Variants in ADGRL3 observed in about 807,000 individuals in gnomAD.
ADGRL3 encodes calcium-independent alpha-latrotoxin receptor 3.
ADGRL3 carries 62 observed loss-of-function variants against 153.5 expected under a neutral mutation model. The observed-to-expected ratio is 0.40, with a 90% CI of 0.33 to 0.50. The LOEUF is 0.50. ADGRL3 is among the 20% of genes least tolerant of loss of function. ADGRL3 has a pLI of 0.47. For synonymous variants in ADGRL3, 710 were observed against 672.5 expected (o/e 1.06, Z -0.86); for missense variants, 1,641 against 1,859.4 (o/e 0.88, Z 2.16).
intron 21 of ADGRL3, among the ~76,000 whole-genome samples, chr4:62,016,043 T>G (rs2099209766): frequency 6.6e-6 from 1 of 151,928 alleles, no homozygotes; most frequent in East Asian, 1.9e-4. Context: ...TTTTCTTTTC[T>G]TTTCTTTTTC....
intron 9 of ADGRL3, among the ~76,000 whole-genome samples, chr4:61,887,479 C>G (rs1186464606): frequency 6.6e-6 from 1 of 152,078 alleles, no homozygotes; most frequent in Non-Finnish European, 1.5e-5. Context: ...ATTTTTAAAA[C>G]TAGGAATATA....
intron 1 of ADGRL3, among the ~76,000 whole-genome samples, chr4:61,281,796 A>G (rs2093734001): frequency 6.6e-6 from 1 of 152,114 alleles, no homozygotes; most frequent in African/African-American, 2.4e-5. Context: ...ACAAAACCAT[A>G]ACATTGATTT....
At chr4:61,578,390 G>A (rs1290751377) in intron 4 of ADGRL3, among the ~76,000 whole-genome samples, 2 of 151,996 alleles carry the variant, frequency 1.3e-5, no homozygotes, top group Non-Finnish European at 2.9e-5. Flanking sequence ...GATTACCATT[G>A]TCATATTGCC....
chr4:61,746,635 A>C (rs2151988956), intron 8 of ADGRL3, among the ~76,000 whole-genome samples: 1 of 152,356 alleles, frequency 6.6e-6, no homozygotes, highest in South Asian at 2.1e-4. Context: ...TGAAGGCAGA[A>C]ATAAAGATGT....
At chr4:61,812,558 C>T (rs924737039) in intron 8 of ADGRL3, among the ~76,000 whole-genome samples, 1 of 152,052 alleles carries the variant, frequency 6.6e-6, no homozygotes, top group Non-Finnish European at 1.5e-5. Flanking sequence ...CTGCATATTC[C>T]CATTGTAGAA....
In ADGRL3 at chr4:61,203,586, G is replaced by A. The variant is rs188135009; in HGVS notation, c.-240+1821G>A. ...GTAAATAGGCAGTCTGCTAATTTTA[G>A]TGTCATATGGGCTTTCATCACTAGT... On this transcript the variant is annotated intron_variant, in intron 1 of 26. Transcript: ENST00000683033. 7.9e-5 allele frequency among the ~76,000 whole-genome samples: 12 copies of A among 152,338 alleles called. No individual in the cohort carries two copies. The East Asian group carries it at 2.3e-3, about 29-fold the overall frequency.
At chr4:61,220,726 T>A (rs576373669) in intron 1 of ADGRL3, among the ~76,000 whole-genome samples, 60 of 152,330 alleles carry the variant, frequency 3.9e-4, no homozygotes, top group African/African-American at 1.4e-3. Flanking sequence ...CCATTTGGAA[T>A]CATTCTGGCA....
At chr4:61,627,447 C>CA (rs2092902715) in intron 5 of ADGRL3, among the ~76,000 whole-genome samples, 1 of 151,934 alleles carries the variant, frequency 6.6e-6, no homozygotes, top group African/African-American at 2.4e-5. Flanking sequence ...ATGGTGAAAC[C>CA]CCCTCTCTAC....
intron 1 of ADGRL3, among the ~76,000 whole-genome samples, chr4:61,294,885 ACACACACACACACACACT>A (rs1175602639): frequency 2.2e-3 from 57 of 25,930 alleles, no homozygotes; most frequent in Admixed American, 1.0e-2. Flanking sequence ...ATTAAATTTT[ACACACACACACACACACT>A]CACACACACA....
chr4:61,500,056 A>AGG (rs1297742595), intron 3 of ADGRL3, among the ~76,000 whole-genome samples: 1 of 151,148 alleles, frequency 6.6e-6, no homozygotes, highest in Non-Finnish European at 1.5e-5. Context: ...AGAGAGAGAG[A>AGG]GAGAGAGAAT....
chr4:61,370,420 G>C (rs1366763862), intron 1 of ADGRL3, among the ~76,000 whole-genome samples: 2 of 151,538 alleles, frequency 1.3e-5, no homozygotes, highest in Admixed American at 6.6e-5. Context: ...AGAGATTCTG[G>C]TATGTTGTGT....
At chr4:61,817,804 C>T (rs544004305) in intron 9 of ADGRL3, among the ~76,000 whole-genome samples, 6 of 152,268 alleles carry the variant, frequency 3.9e-5, no homozygotes, top group African/African-American at 1.4e-4. Context: ...AAAAGGGAAA[C>T]TCCTTATAAA....
intron 1 of ADGRL3, among the ~76,000 whole-genome samples, chr4:61,221,474 A>T (rs898949010): frequency 6.6e-6 from 1 of 152,158 alleles, no homozygotes; most frequent in African/African-American, 2.4e-5. Flanking sequence ...TATAGTATTC[A>T]AAAGAGACAT....
At chr4:61,594,750 C>T (rs1462385506) in intron 5 of ADGRL3, among the ~76,000 whole-genome samples, 1 of 152,122 alleles carries the variant, frequency 6.6e-6, no homozygotes, top group Non-Finnish European at 1.5e-5. Context: ...AAGGCCATTC[C>T]CTTCAAGGTA....
At chr4:62,016,037 C>A (rs1215501676) in intron 21 of ADGRL3, among the ~76,000 whole-genome samples, 1 of 150,296 alleles carries the variant, frequency 6.7e-6, no homozygotes, top group African/African-American at 2.4e-5. Context: ...TTTCTTTTTT[C>A]TTTTCTTTTC....
In ADGRL3 at chr4:61,573,280, A is replaced by G. The variant is rs376287690; in HGVS notation, c.260-13947A>G. Among the ~76,000 whole-genome samples, 17 of 152,130 alleles carry G rather than the reference A, an allele frequency of 1.1e-4. No individual in the cohort carries two copies. In the East Asian group the frequency reaches 3.1e-3, roughly 28 times the overall value. ...GTATTTTTCCTTTTTTCCAAATTAG[A>G]ATTATGAAGTCGCCAAATTGAATTT... On this transcript the variant is annotated intron_variant, in intron 4 of 26. Transcript: ENST00000683033.
intron 15 of ADGRL3, among the ~76,000 whole-genome samples, chr4:61,936,366 GT>G (rs550642413): frequency 2.0e-5 from 3 of 152,208 alleles, no homozygotes; most frequent in African/African-American, 7.2e-5. Context: ...CTCTCACTGA[GT>G]TTGCAGATTT....
At chr4:61,818,101 C>G (rs2097708741) in intron 9 of ADGRL3, among the ~76,000 whole-genome samples, 2 of 152,148 alleles carry the variant, frequency 1.3e-5, no homozygotes, top group African/African-American at 4.8e-5. Flanking sequence ...AGTCCAAACT[C>G]TTATCTGAGA....
At chr4:61,932,456 G>A (rs2098821475) in intron 13 of ADGRL3, among the ~76,000 whole-genome samples, 1 of 152,030 alleles carries the variant, frequency 6.6e-6, no homozygotes, top group African/African-American at 2.4e-5. Context: ...CCTTTATTCT[G>A]TTAATGTGGT....
Sources: gnomAD v4.1 joint callset for allele counts (sites outside exome capture counted in the v4.1 genomes callset) on GRCh38, gnomAD v4.1.1 for gene constraint, MANE v1.5 for transcripts, NCBI Gene and HGNC (gene_info 2026-07-23, HGNC 2026-07-21) for gene names.